Variants in TENM4 observed in about 807,000 individuals in gnomAD.
TENM4 encodes the protein teneurin transmembrane protein 4.
Under a neutral mutation model 243.3 loss-of-function variants are expected in TENM4, and 82 were observed. That is an observed-to-expected ratio of 0.34 (90% confidence interval 0.28 to 0.40). The LOEUF (loss-of-function observed/expected upper bound fraction) is 0.40. Among genes scored for constraint, TENM4 ranks in the 10% least tolerant of loss-of-function variants. The probability of loss-of-function intolerance (pLI) is 1.00; values close to 1 mark genes in which losing one functional copy is unlikely to be tolerated. For synonymous variants in TENM4, 1,412 were observed against 1,456.3 expected (o/e 0.97, Z 0.69); for missense variants, 3,138 against 3,673.3 (o/e 0.85, Z 3.77).
intron 6 of TENM4, among the ~76,000 whole-genome samples, chr11:78,989,113 A>C (rs1203442312): frequency 6.6e-6 from 1 of 152,262 alleles, no homozygotes; most frequent in Non-Finnish European, 1.5e-5. Context: ...ACAGAGAAGA[A>C]ATAAAAATTT....
intron 12 of TENM4, among the ~76,000 whole-genome samples, chr11:78,821,642 A>G (rs1857735570): frequency 6.6e-6 from 1 of 152,254 alleles, no homozygotes; most frequent in African/African-American, 2.4e-5. Context: ...AACAACCAGA[A>G]AGATTAAAGA....
chr11:79,090,351 C>A (rs1321029814), intron 4 of TENM4, among the ~76,000 whole-genome samples: 1 of 152,256 alleles, frequency 6.6e-6, no homozygotes, highest in African/African-American at 2.4e-5. Flanking sequence ...ACAAACACCA[C>A]CTGAGGGCAC....
chr11:79,181,552 C>T (rs1863281751), intron 3 of TENM4, among the ~76,000 whole-genome samples: 1 of 152,036 alleles, frequency 6.6e-6, no homozygotes, highest in African/African-American at 2.4e-5. Context: ...TCTGTCCCTT[C>T]ACACCACTAC....
intron 6 of TENM4, among the ~76,000 whole-genome samples, chr11:79,054,119 C>T (rs959264771): frequency 2.0e-5 from 3 of 152,298 alleles, no homozygotes; most frequent in Non-Finnish European, 2.9e-5. Flanking sequence ...TCTCCCTGTT[C>T]GGGGATGCTT....
chr11:79,172,328 C>A (rs550091513), intron 3 of TENM4, among the ~76,000 whole-genome samples: 89 of 152,290 alleles, frequency 5.8e-4, no homozygotes, highest in Non-Finnish European at 7.1e-4. Context: ...ATGATCAGCC[C>A]ACTACAGCCT....
intron 18 of TENM4, among the ~76,000 whole-genome samples, chr11:78,757,295 T>A (rs542004616): frequency 3.9e-5 from 6 of 152,290 alleles, no homozygotes; most frequent in African/African-American, 9.6e-5. Context: ...ATTGTATGTA[T>A]GAAGACCCAG....
chr11:79,370,239 G>A (rs1857755832), intron 1 of TENM4, among the ~76,000 whole-genome samples: 1 of 152,184 alleles, frequency 6.6e-6, no homozygotes, highest in Admixed American at 6.5e-5. Flanking sequence ...TACGACGGAG[G>A]CCAGGGCCCT....
At chr11:78,873,614 A>G (rs1446695899) in intron 9 of TENM4, among the ~76,000 whole-genome samples, 1 of 152,198 alleles carries the variant, frequency 6.6e-6, no homozygotes, top group African/African-American at 2.4e-5. Flanking sequence ...AATGTCAAAA[A>G]TGGAAAACAA....
chr11:79,383,180 G>A (rs1156596448), intron 1 of TENM4, among the ~76,000 whole-genome samples: 1 of 152,210 alleles, frequency 6.6e-6, no homozygotes, highest in East Asian at 1.9e-4. Flanking sequence ...ACTAGCAGGA[G>A]AGGGGAGGGC....
intron 26 of TENM4, among the ~76,000 whole-genome samples, chr11:78,711,345 T>C (rs543116151): frequency 2.6e-5 from 4 of 152,286 alleles, no homozygotes; most frequent in East Asian, 3.9e-4. Context: ...TTCCTAATAT[T>C]CAATCTGTAC....
At chr11:79,161,648 G>A (rs566091548) in intron 3 of TENM4, among the ~76,000 whole-genome samples, 1 of 152,312 alleles carries the variant, frequency 6.6e-6, no homozygotes, top group Admixed American at 6.5e-5. Flanking sequence ...CCTCCAGAAG[G>A]AGCCACTTCG....
At chr11:78,966,553 G>A (rs537053649) in intron 6 of TENM4, among the ~76,000 whole-genome samples, 2 of 152,288 alleles carry the variant, frequency 1.3e-5, no homozygotes, top group African/African-American at 2.4e-5. Context: ...TGCACAAGGA[G>A]GTCTCAGCAG....
At chr11:78,844,075 T>C (rs1858326619) in intron 12 of TENM4, among the ~76,000 whole-genome samples, 1 of 152,218 alleles carries the variant, frequency 6.6e-6, no homozygotes, top group Admixed American at 6.5e-5. Flanking sequence ...CTTTATGTTG[T>C]GTGAGCCACT....
At chr11:79,146,599 G>T (rs1012635061) in intron 4 of TENM4, among the ~76,000 whole-genome samples, 4 of 151,976 alleles carry the variant, frequency 2.6e-5, no homozygotes, top group African/African-American at 4.8e-5. Context: ...ACCTTCAGAG[G>T]TTCCTTTTAT....
chr11:79,112,236 T>C (rs1018852299), intron 4 of TENM4, among the ~76,000 whole-genome samples: 1 of 152,208 alleles, frequency 6.6e-6, no homozygotes, highest in African/African-American at 2.4e-5. Context: ...ATAAGTAATA[T>C]GCACAACCAA....
chr11:79,307,075 T>A (rs1336574120), intron 1 of TENM4, among the ~76,000 whole-genome samples: 2 of 152,234 alleles, frequency 1.3e-5, no homozygotes, highest in African/African-American at 4.8e-5. Context: ...TGCTCACTGA[T>A]GACTTACCAT....
At chr11:79,363,772 G>T (rs1590911680) in intron 1 of TENM4, among the ~76,000 whole-genome samples, 1 of 152,134 alleles carries the variant, frequency 6.6e-6, no homozygotes, top group East Asian at 1.9e-4. Context: ...ATAATAGATT[G>T]CACATACTTA....
intron 6 of TENM4, among the ~76,000 whole-genome samples, chr11:79,056,070 T>C (rs1327174441): frequency 6.6e-6 from 1 of 152,148 alleles, no homozygotes; most frequent in Non-Finnish European, 1.5e-5. Flanking sequence ...CTGGGTCAGA[T>C]GAAGTTCAAG....
At chr11:79,046,079 G>A (rs181242926) in intron 6 of TENM4, among the ~76,000 whole-genome samples, 1 of 152,304 alleles carries the variant, frequency 6.6e-6, no homozygotes, top group African/African-American at 2.4e-5. Context: ...GCTGTTCTAG[G>A]CAAGGCCACA....
Sources: gnomAD v4.1 joint callset for allele counts (sites outside exome capture counted in the v4.1 genomes callset) on GRCh38, gnomAD v4.1.1 for gene constraint, MANE v1.5 for transcripts, NCBI Gene and HGNC (gene_info 2026-07-23, HGNC 2026-07-21) for gene names.